The following VPS13B variants were observed in gnomAD, a reference collection of about 807,000 sequenced individuals.
The protein encoded by VPS13B is vacuolar protein sorting 13 homolog B.
In VPS13B, 285 loss-of-function variants were observed where a neutral mutation model predicts 426.4. The ratio of observed to expected loss-of-function variants is 0.67; its 90% CI spans 0.61 to 0.74. The LOEUF (loss-of-function observed/expected upper bound fraction) is 0.74. Ranked by LOEUF, VPS13B falls within the 30% of genes least tolerant of loss-of-function variation. VPS13B has a pLI of 0.00. For missense variants in VPS13B, 4,537 were observed against 4,782.6 expected (o/e 0.95, Z 1.51); for synonymous variants, 1,676 against 1,676.4 (o/e 1.00, Z 0.01).
chr8:99,341,120 CT>C (rs1158081603), intron 19 of VPS13B: 1 of 272,056 alleles, frequency 3.7e-6, no homozygotes, highest in Non-Finnish European at 7.2e-6. Context: ...GGTCAGCATT[CT>C]TTTCTGCTGG....
intron 35 of VPS13B, among the ~76,000 whole-genome samples, chr8:99,680,752 A>T (rs1316975861): frequency 6.6e-6 from 1 of 152,222 alleles, no homozygotes; most frequent in African/African-American, 2.4e-5. Context: ...ACTCTTAAAC[A>T]TAAGTATCTG....
chr8:99,289,129 C>A (rs1466019800), intron 19 of VPS13B, among the ~76,000 whole-genome samples: 2 of 151,954 alleles, frequency 1.3e-5, no homozygotes, highest in Non-Finnish European at 2.9e-5. Context: ...TCAGGGTCAA[C>A]TCATGAAATC....
intron 5 of VPS13B, among the ~76,000 whole-genome samples, chr8:99,107,510 T>A (rs1390628887): frequency 2.7e-5 from 4 of 148,554 alleles, no homozygotes; most frequent in Non-Finnish European, 6.0e-5. Context: ...CCCTTACGTA[T>A]TTTTTTTTTA....
chr8:99,041,004 G>T (rs1305944687), intron 3 of VPS13B, among the ~76,000 whole-genome samples: 1 of 152,118 alleles, frequency 6.6e-6, no homozygotes, highest in Non-Finnish European at 1.5e-5. Flanking sequence ...TATAATCTCA[G>T]CAAAAGACAC....
At position 99,494,945 on chromosome 8, in the gene VPS13B, A is replaced by G. The variant is rs1331389064; in HGVS notation, c.3871-6742A>G. On this transcript the variant is annotated intron_variant, in intron 25 of 61. Transcript: ENST00000357162. ...ACTTTTTATACTGTTTTTTTTTTCTATCTTAAATATTTGTTAAGTCAAACA... is the reference window on the plus strand; with the variant it reads ...ACTTTTTATACTGTTTTTTTTTTCTGTCTTAAATATTTGTTAAGTCAAACA... Among the ~76,000 whole-genome samples, 5 of 147,314 alleles carry G rather than the reference A, an allele frequency of 3.4e-5. No homozygotes were observed. The East Asian group carries it at 5.9e-4, about 17-fold the overall frequency.
At chr8:99,719,327 GA>G (rs1022074927) in intron 37 of VPS13B, among the ~76,000 whole-genome samples, 23 of 152,156 alleles carry the variant, frequency 1.5e-4, no homozygotes, top group African/African-American at 5.5e-4. Flanking sequence ...TTAAAGGCTA[GA>G]GCACAACATT....
intron 36 of VPS13B, among the ~76,000 whole-genome samples, chr8:99,701,252 A>C (rs1371788547): frequency 6.6e-6 from 1 of 152,228 alleles, no homozygotes; most frequent in Non-Finnish European, 1.5e-5. Context: ...TGGAGACTAC[A>C]GTATCTGATT....
intron 3 of VPS13B, among the ~76,000 whole-genome samples, chr8:99,059,413 C>A (rs918989798): frequency 1.3e-5 from 2 of 152,082 alleles, no homozygotes; most frequent in Non-Finnish European, 2.9e-5. Flanking sequence ...GAGCTCTTAG[C>A]TATTTTCCCA....
chr8:99,051,289 C>A (rs901277961), intron 3 of VPS13B, among the ~76,000 whole-genome samples: 6 of 152,150 alleles, frequency 3.9e-5, no homozygotes, highest in African/African-American at 7.2e-5. Flanking sequence ...AATAGGGAAT[C>A]GTTTCCCCAT....
At chr8:99,674,757 A>G (rs998182152) in intron 35 of VPS13B, among the ~76,000 whole-genome samples, 2 of 152,030 alleles carry the variant, frequency 1.3e-5, no homozygotes, top group Non-Finnish European at 2.9e-5. Flanking sequence ...ATCATGAGGC[A>G]TATCAAAAAA....
intron 25 of VPS13B, among the ~76,000 whole-genome samples, chr8:99,495,854 T>C (rs531184038): frequency 6.6e-6 from 1 of 152,220 alleles, no homozygotes; most frequent in South Asian, 2.1e-4. Context: ...TAATATTCAG[T>C]ATTTTCTTTA....
intron 43 of VPS13B, among the ~76,000 whole-genome samples, chr8:99,788,203 C>G (rs1812362513): frequency 6.7e-6 from 1 of 148,242 alleles, no homozygotes; most frequent in East Asian, 2.0e-4. Flanking sequence ...TATAAAAAAA[C>G]TTAAAAATTT....
chr8:99,519,661 A>T (rs537613080), intron 29 of VPS13B, among the ~76,000 whole-genome samples: 96 of 152,272 alleles, frequency 6.3e-4, no homozygotes, highest in African/African-American at 2.3e-3. Flanking sequence ...AGGGACATGG[A>T]TGAAGCTGGA....
intron 2 of VPS13B, among the ~76,000 whole-genome samples, chr8:99,015,776 G>A (rs1841582045): frequency 1.3e-5 from 2 of 151,948 alleles, no homozygotes; most frequent in Non-Finnish European, 2.9e-5. Context: ...GGTGGCATGT[G>A]CCTGTAATCC....
chr8:99,195,225 A>T (rs1588130961), intron 17 of VPS13B, among the ~76,000 whole-genome samples: 1 of 152,198 alleles, frequency 6.6e-6, no homozygotes, highest in East Asian at 1.9e-4. Flanking sequence ...GGCCATTCTA[A>T]CAGGTATGTG....
chr8:99,652,299 A>G (rs1458985345), intron 34 of VPS13B, among the ~76,000 whole-genome samples: 1 of 152,122 alleles, frequency 6.6e-6, no homozygotes. Context: ...TTCCTTGTCT[A>G]TGATATGAGA....
At chr8:99,425,876 G>C (rs1354808892) in intron 21 of VPS13B, among the ~76,000 whole-genome samples, 1 of 151,920 alleles carries the variant, frequency 6.6e-6, no homozygotes, top group African/African-American at 2.4e-5. Flanking sequence ...AAATAAATGT[G>C]CAAAAATCAC....
At chr8:99,499,160 A>T (rs1821095267) in intron 25 of VPS13B, among the ~76,000 whole-genome samples, 1 of 152,174 alleles carries the variant, frequency 6.6e-6, no homozygotes, top group Admixed American at 6.5e-5. Flanking sequence ...TGGCCTAAGG[A>T]TGTATGGGAA....
intron 39 of VPS13B, among the ~76,000 whole-genome samples, chr8:99,741,666 A>C (rs1809731406): frequency 6.6e-6 from 1 of 152,244 alleles, no homozygotes. Flanking sequence ...CAGGATTAAG[A>C]AACTCACTCA....
Sources: allele counts gnomAD v4.1 joint callset (sites outside exome capture counted in the v4.1 genomes callset), GRCh38; gene constraint gnomAD v4.1.1; transcripts MANE v1.5; gene names NCBI Gene and HGNC (gene_info 2026-07-23, HGNC 2026-07-21).